The following LIN52 variants were observed in gnomAD, a reference collection of about 807,000 sequenced individuals.
LIN52 encodes protein lin-52 homolog.
Under a neutral mutation model 18.5 loss-of-function variants are expected in LIN52, and 4 were observed. The ratio of observed to expected loss-of-function variants is 0.22; its 90% CI spans 0.11 to 0.49. The LOEUF (loss-of-function observed/expected upper bound fraction) is 0.49. Ranked by LOEUF, LIN52 falls within the 20% of genes least tolerant of loss-of-function variation. The probability of loss-of-function intolerance (pLI) is 0.97; values close to 1 mark genes in which losing one functional copy is unlikely to be tolerated. For missense variants in LIN52, 102 were observed against 139.5 expected (o/e 0.73, Z 1.35); for synonymous variants, 34 against 45.5 (o/e 0.75, Z 1.02).
chr14:74,154,812 A>G (rs541485166), intron 5 of LIN52, among the ~76,000 whole-genome samples: 8 of 152,256 alleles, frequency 5.3e-5, no homozygotes, highest in Non-Finnish European at 7.4e-5. Context: ...CTTGAAAAGT[A>G]TTATTTTAGT....
intron 5 of LIN52, among the ~76,000 whole-genome samples, chr14:74,117,721 C>A (rs1161824606): frequency 1.3e-5 from 2 of 152,212 alleles, no homozygotes; most frequent in East Asian, 1.9e-4. Context: ...GTGCCCGTTT[C>A]TTTATTTCTT....
intron 5 of LIN52, among the ~76,000 whole-genome samples, chr14:74,196,877 A>G (rs1350201862): frequency 6.6e-6 from 1 of 152,202 alleles, no homozygotes; most frequent in Non-Finnish European, 1.5e-5. Context: ...AGGCTCAGAG[A>G]TCTGCCCAGC....
intron 5 of LIN52, among the ~76,000 whole-genome samples, chr14:74,191,299 G>A (rs549532661): frequency 6.6e-6 from 1 of 152,186 alleles, no homozygotes; most frequent in Non-Finnish European, 1.5e-5. Flanking sequence ...CTGTGGGAAA[G>A]CATGTCTTTG....
intron 5 of LIN52, among the ~76,000 whole-genome samples, chr14:74,178,460 ATTT>A (rs376347275): frequency 1.4e-5 from 2 of 141,394 alleles, no homozygotes; most frequent in Non-Finnish European, 3.1e-5. Flanking sequence ...TATTAAAATA[ATTT>A]TTTTTTTTTT....
intron 5 of LIN52, among the ~76,000 whole-genome samples, chr14:74,168,049 G>A (rs7143041): frequency 0.81 from 122,972 of 152,192 alleles, 49,885 homozygotes; most frequent in Admixed American, 0.83. Context: ...GGACCCTCAA[G>A]AAGTACTGAG....
chr14:74,116,174 A>C (rs756630482), intron 5 of LIN52, among the ~76,000 whole-genome samples: 1 of 152,070 alleles, frequency 6.6e-6, no homozygotes, highest in Non-Finnish European at 1.5e-5. Flanking sequence ...GTGGTGGCAC[A>C]TGCCTGTGGT....
intron 5 of LIN52, among the ~76,000 whole-genome samples, chr14:74,159,581 T>C (rs1360536526): frequency 6.6e-6 from 1 of 151,390 alleles, no homozygotes. Context: ...TTTTTTTTTT[T>C]TTTTTTGGTG....
chr14:74,137,060 AAAGTCATT>A (rs2061101507), intron 5 of LIN52, among the ~76,000 whole-genome samples: 3 of 152,054 alleles, frequency 2.0e-5, no homozygotes, highest in Admixed American at 2.0e-4. Flanking sequence ...ATTAAGAAGA[AAAGTCATT>A]AAGTCTTCTT....
intron 5 of LIN52, among the ~76,000 whole-genome samples, chr14:74,159,564 TTTG>T (rs2061215537): frequency 2.7e-5 from 1 of 36,644 alleles, no homozygotes; most frequent in African/African-American, 9.3e-5. Context: ...ATATGTGGGG[TTTG>T]TTTTTTTTTT....
intron 5 of LIN52, among the ~76,000 whole-genome samples, chr14:74,153,284 A>G (rs182746390): frequency 5.9e-5 from 9 of 152,280 alleles, no homozygotes; most frequent in Non-Finnish European, 1.3e-4. Context: ...TACCCCTCCC[A>G]ACTATATTTT....
Position 74,199,206 on chromosome 14 carries a change from G to A in LIN52, c.*229G>A. ...AGTTACTCAATCAACTTTCAGACTTGAACCTTCTTAGCCTCGGATATTGGT... is the reference window on the plus strand; with the variant it reads ...AGTTACTCAATCAACTTTCAGACTTAAACCTTCTTAGCCTCGGATATTGGT... On this transcript the variant is annotated 3_prime_UTR_variant, in exon 6 of 6. Transcript: ENST00000555028. 1 of 425,376 alleles carries A rather than the reference G, an allele frequency of 2.4e-6. No individual in the cohort carries two copies. Among genetic ancestry groups the A allele is most frequent in the East Asian group, 3.6e-5 (1 of 27,922 alleles). 26.4% of individuals were successfully genotyped at this position (425,376 alleles called of 1,614,324 possible). A position where few individuals can be genotyped will look rare whatever the true frequency, so the allele number is the denominator to read the frequency against.
chr14:74,146,929 A>T (rs779161081), intron 5 of LIN52, among the ~76,000 whole-genome samples: 1 of 152,156 alleles, frequency 6.6e-6, no homozygotes, highest in Non-Finnish European at 1.5e-5. Flanking sequence ...CAATGGGGGA[A>T]AAGTAGTCTC....
Position 74,198,199 on chromosome 14 carries a change from G to A in LIN52, c.284-723G>A, listed in dbSNP as rs535735865. Among the ~76,000 whole-genome samples, 19 of 152,196 alleles carry A rather than the reference G, an allele frequency of 1.2e-4. No homozygotes were observed. In the South Asian group the frequency reaches 3.7e-3, roughly 30 times the overall value. ...GACCTCTGGAGTAGCCCTTGTAATT[G>A]AGAAATGTTTTACTTTCATTTTGGA... On this transcript the variant is annotated intron_variant, in intron 5 of 5. Transcript: ENST00000555028.
intron 5 of LIN52, among the ~76,000 whole-genome samples, chr14:74,108,527 A>G (rs1027793596): frequency 2.0e-5 from 3 of 152,010 alleles, no homozygotes; most frequent in Non-Finnish European, 4.4e-5. Flanking sequence ...GTTTTCTCAC[A>G]CCCTTGCCAA....
intron 5 of LIN52, among the ~76,000 whole-genome samples, chr14:74,113,826 C>T (rs2060946121): frequency 6.6e-6 from 1 of 152,070 alleles, no homozygotes; most frequent in African/African-American, 2.4e-5. Context: ...CATAGCCTTA[C>T]CACTGAGAGA....
intron 3 of LIN52, 68 bp from the exon 4 acceptor site, chr14:74,097,726 T>C: frequency 8.3e-7 from 1 of 1,209,148 alleles, no homozygotes; most frequent in Non-Finnish European, 1.2e-6. Context: ...AGGCTACACT[T>C]CTTATAAGAA....
chr14:74,196,625 T>C (rs1408259032), intron 5 of LIN52, among the ~76,000 whole-genome samples: 1 of 152,184 alleles, frequency 6.6e-6, no homozygotes, highest in Middle Eastern at 3.2e-3. Context: ...AAATTTCTTT[T>C]CCTTCAAGCT....
intron 5 of LIN52, among the ~76,000 whole-genome samples, chr14:74,136,773 A>G (rs982459642): frequency 1.3e-5 from 2 of 152,154 alleles, no homozygotes; most frequent in African/African-American, 4.8e-5. Context: ...ATTCAATCAC[A>G]TGTCTCCAGG....
intron 5 of LIN52, chr14:74,114,019 C>A: frequency 3.3e-6 from 1 of 306,770 alleles, no homozygotes; most frequent in Non-Finnish European, 4.7e-6. Context: ...CTCCCTCTGT[C>A]ACCCAGGCTG....
Sources: allele counts gnomAD v4.1 joint callset (sites outside exome capture counted in the v4.1 genomes callset), GRCh38; gene constraint gnomAD v4.1.1; transcripts MANE v1.5; gene names NCBI Gene and HGNC (gene_info 2026-07-23, HGNC 2026-07-21).